Variants in PLCL2 observed in about 807,000 individuals in gnomAD.
The protein encoded by PLCL2 is inactive phospholipase C-like protein 2.
Under a neutral mutation model 79.6 loss-of-function variants are expected in PLCL2, and 4 were observed. The ratio of observed to expected loss-of-function variants is 0.05; its 90% CI spans 0.02 to 0.11. PLCL2 has a LOEUF of 0.11. Among genes scored for constraint, PLCL2 ranks in the 10% least tolerant of loss-of-function variants. The pLI, the probability that PLCL2 is intolerant of heterozygous loss-of-function variation, is 1.00. For synonymous variants in PLCL2, 484 were observed against 457.7 expected (o/e 1.06, Z -0.73); for missense variants, 895 against 1,291.0 (o/e 0.69, Z 4.70).
chr3:17,018,066 A>G (rs887275227), intron 3 of PLCL2, among the ~76,000 whole-genome samples: 1 of 152,134 alleles, frequency 6.6e-6, no homozygotes, highest in Non-Finnish European at 1.5e-5. Context: ...AGAAATTCAC[A>G]CACCTCCTTA....
At chr3:16,895,437 C>T (rs1303169270) in intron 1 of PLCL2, among the ~76,000 whole-genome samples, 1 of 152,076 alleles carries the variant, frequency 6.6e-6, no homozygotes, top group Non-Finnish European at 1.5e-5. Flanking sequence ...ATATAAATAT[C>T]CAATTAATTC....
At chr3:17,074,166 A>G (rs964990502) in intron 5 of PLCL2, among the ~76,000 whole-genome samples, 4 of 152,220 alleles carry the variant, frequency 2.6e-5, no homozygotes, top group African/African-American at 9.7e-5. Flanking sequence ...TTGAAAGTCA[A>G]AATTACTCTT....
intron 4 of PLCL2, among the ~76,000 whole-genome samples, chr3:17,063,978 C>T (rs1057064779): frequency 6.6e-6 from 1 of 152,212 alleles, no homozygotes; most frequent in Non-Finnish European, 1.5e-5. Context: ...AAAATTCACT[C>T]TATCTAGTCT....
At chr3:17,063,231 TCCC>T in intron 4 of PLCL2, among the ~76,000 whole-genome samples, 9 of 86,944 alleles carry the variant, frequency 1.0e-4, no homozygotes, top group Admixed American at 2.5e-4. Context: ...CCTTCCTCCC[TCCC>T]TCCCTCCCTG....
chr3:17,004,276 C>T (rs565942488), intron 1 of PLCL2, among the ~76,000 whole-genome samples: 1 of 152,252 alleles, frequency 6.6e-6, no homozygotes, highest in South Asian at 2.1e-4. Flanking sequence ...CTAAACTTTA[C>T]TTGCCCCCAC....
At chr3:16,981,979 A>G (rs1157112420) in intron 1 of PLCL2, among the ~76,000 whole-genome samples, 3 of 152,224 alleles carry the variant, frequency 2.0e-5, no homozygotes, top group Non-Finnish European at 4.4e-5. Flanking sequence ...TGCTGTGACC[A>G]TAGGCCTCTT....
rs76098117 is a variant in PLCL2 at position 16,911,196 on chromosome 3, T to C, written c.327+25830T>C. 9.6e-4 allele frequency among the ~76,000 whole-genome samples: 137 copies of C among 143,184 alleles called. 1 individual carries two copies. The highest frequency in any genetic ancestry group is 3.3e-3 in the African/African-American group (125 of 37,970). The allele number at this position is 143,184 out of a possible 152,430, so 93.9% of individuals were successfully genotyped here. ...TGAACCCGGGGGGCGGAGGTTGTAGTGAGCCGAGATAGCGCCACTGTATTC... is the reference window on the plus strand; with the variant it reads ...TGAACCCGGGGGGCGGAGGTTGTAGCGAGCCGAGATAGCGCCACTGTATTC... On this transcript the variant is annotated intron_variant, in intron 1 of 5. Coordinates refer to ENST00000615277, the MANE Select transcript of PLCL2 (RefSeq NM_001144382.2).
At chr3:16,959,603 T>A (rs1452033374) in intron 1 of PLCL2, among the ~76,000 whole-genome samples, 1 of 152,066 alleles carries the variant, frequency 6.6e-6, no homozygotes, top group Non-Finnish European at 1.5e-5. Flanking sequence ...TTCCCTCCTG[T>A]CCATGCTCTT....
At chr3:17,066,232 G>A (rs764936211) in intron 4 of PLCL2, among the ~76,000 whole-genome samples, 2 of 152,150 alleles carry the variant, frequency 1.3e-5, no homozygotes, top group Non-Finnish European at 2.9e-5. Flanking sequence ...TGGTCCATGC[G>A]TTAGTTCCCT....
intron 4 of PLCL2, among the ~76,000 whole-genome samples, chr3:17,066,575 A>G (rs1463437062): frequency 2.0e-5 from 3 of 152,368 alleles, no homozygotes; most frequent in African/African-American, 7.2e-5. Context: ...GTCTTGTAAA[A>G]TTTACAACAG....
At chr3:16,922,655 G>A (rs1270589508) in intron 1 of PLCL2, among the ~76,000 whole-genome samples, 2 of 151,862 alleles carry the variant, frequency 1.3e-5, no homozygotes, top group East Asian at 1.9e-4. Flanking sequence ...TCATAATTGG[G>A]AATGAGCAAA....
chr3:17,046,902 A>G (rs2064786027), intron 4 of PLCL2, among the ~76,000 whole-genome samples: 1 of 152,194 alleles, frequency 6.6e-6, no homozygotes, highest in Non-Finnish European at 1.5e-5. Context: ...AGCTGGATTA[A>G]TTAACGCTTA....
chr3:16,967,354 A>G (rs1575559378), intron 1 of PLCL2, among the ~76,000 whole-genome samples: 1 of 152,128 alleles, frequency 6.6e-6, no homozygotes, highest in Admixed American at 6.6e-5. Context: ...GCTTTCCACA[A>G]TGGTTGAACT....
At position 16,980,468 on chromosome 3, in the gene PLCL2, C is replaced by T. The variant is rs1456832773; in HGVS notation, c.328-29206C>T. Among the ~76,000 whole-genome samples, 5 of 150,614 alleles carry T rather than the reference C, an allele frequency of 3.3e-5. No individual in the cohort carries two copies. In the South Asian group the frequency reaches 6.3e-4, roughly 19 times the overall value. On this transcript the variant is annotated intron_variant, in intron 1 of 5. Coordinates refer to ENST00000615277, the MANE Select transcript of PLCL2 (RefSeq NM_001144382.2). ...CTCCTCACTTCTCAGACGGGGCGGC[C>T]GGGCAGAGACGCTCCTCACATCCCG...
intron 3 of PLCL2, among the ~76,000 whole-genome samples, chr3:17,017,490 A>G (rs1030512164): frequency 6.6e-6 from 1 of 152,228 alleles, no homozygotes; most frequent in African/African-American, 2.4e-5. Flanking sequence ...AAAGCTAGCC[A>G]GAATAGATTA....
intron 3 of PLCL2, among the ~76,000 whole-genome samples, chr3:17,024,991 A>G (rs1049759018): frequency 6.6e-6 from 1 of 152,132 alleles, no homozygotes; most frequent in Non-Finnish European, 1.5e-5. Context: ...TTGAAACCCC[A>G]AGTACTCCTT....
At position 17,043,041 on chromosome 3, in the gene PLCL2, A is replaced by G. The variant is rs2064741771; in HGVS notation, c.3094+92A>G. 7 of 806,254 alleles carry G rather than the reference A, an allele frequency of 8.7e-6. No individual in the cohort carries two copies. The Admixed American group carries it at 1.4e-4, about 16-fold the overall frequency. 49.9% of individuals were successfully genotyped at this position (806,254 alleles called of 1,614,324 possible). A position where few individuals can be genotyped will look rare whatever the true frequency, so the allele number is the denominator to read the frequency against. On this transcript the variant is annotated intron_variant, in intron 4 of 5. Coordinates refer to ENST00000615277, the MANE Select transcript of PLCL2 (RefSeq NM_001144382.2). The stretch of plus-strand genomic sequence containing the variant: ...ATTTCATTTTTTGGATGCTATATCA[A>G]GAAAATCAAATAAGAAAATTATTTT...
intron 5 of PLCL2, among the ~76,000 whole-genome samples, chr3:17,077,995 T>C (rs931552828): frequency 1.4e-4 from 22 of 152,240 alleles, no homozygotes; most frequent in Non-Finnish European, 3.2e-4. Context: ...TTATAACTTG[T>C]TCTGGCCTTG....
intron 4 of PLCL2, among the ~76,000 whole-genome samples, chr3:17,054,616 A>C (rs1241249925): frequency 6.6e-6 from 1 of 152,056 alleles, no homozygotes; most frequent in Non-Finnish European, 1.5e-5. Flanking sequence ...TTTTTAAACA[A>C]CCAGATCTCT....
Sources: allele counts gnomAD v4.1 joint callset (sites outside exome capture counted in the v4.1 genomes callset), GRCh38; gene constraint gnomAD v4.1.1; transcripts MANE v1.5; gene names NCBI Gene and HGNC (gene_info 2026-07-23, HGNC 2026-07-21).